Variants in CCDC170 observed in about 807,000 individuals in gnomAD.
CCDC170 encodes coiled-coil domain-containing protein 170.
CCDC170 carries 69 observed loss-of-function variants against 72.6 expected under a neutral mutation model. The observed-to-expected ratio is 0.95, with a 90% CI of 0.78 to 1.16. CCDC170 has a LOEUF of 1.16. Ranked by LOEUF, CCDC170 falls within the 50% of genes most tolerant of loss-of-function variation. CCDC170 has a pLI of 0.00. For synonymous variants in CCDC170, 300 were observed against 303.9 expected (o/e 0.99, Z 0.13); for missense variants, 852 against 832.5 (o/e 1.02, Z -0.29).
intron 9 of CCDC170, among the ~76,000 whole-genome samples, chr6:151,614,629 ATTT>A (rs34242496): frequency 4.4e-5 from 6 of 135,092 alleles, no homozygotes; most frequent in African/African-American, 2.7e-5. Context: ...TAACTTTTGT[ATTT>A]TTTTTTTTTT....
At chr6:151,559,172 C>T (rs111578748) in intron 5 of CCDC170, among the ~76,000 whole-genome samples, 3,008 of 151,872 alleles carry the variant, frequency 0.02, 99 homozygotes, top group African/African-American at 0.064. Context: ...CCACCATGCC[C>T]GGCTAATTTT....
intron 3 of CCDC170, among the ~76,000 whole-genome samples, chr6:151,543,405 G>A (rs1385870646): frequency 3.3e-5 from 5 of 151,590 alleles, no homozygotes; most frequent in Admixed American, 6.5e-5. Context: ...GATCAAATCA[G>A]GGAAATTAGT....
intron 1 of CCDC170, among the ~76,000 whole-genome samples, chr6:151,508,742 G>A (rs1355219010): frequency 4.0e-5 from 6 of 150,724 alleles, no homozygotes; most frequent in South Asian, 2.1e-4. Context: ...TAGGCCGGGC[G>A]TGGTGGCTCA....
chr6:151,572,496 A>C (rs576470348), intron 5 of CCDC170, among the ~76,000 whole-genome samples: 1 of 152,224 alleles, frequency 6.6e-6, no homozygotes, highest in South Asian at 2.1e-4. Flanking sequence ...TAGTTCTATA[A>C]ACATATTCTA....
rs1313189607 is a variant in CCDC170 at position 151,573,453 on chromosome 6, A to G, written c.1054A>G (p.Ile352Val). The change falls in exon 6 of 11, where the codon ATT becomes GTT. Residue 352 changes from isoleucine to valine, a missense_variant. Transcript: ENST00000239374. ...CACTGAGGACACCATTTTGGAGAAG[A>G]TTCGAGAAATGGACAGCCGGGAAGA... The part of the protein sequence containing the change: ...GSTEDTILEK[I>V]REMDSREESR... 3 of 1,614,128 alleles carry G rather than the reference A, an allele frequency of 1.9e-6. No individual in the cohort carries two copies. The South Asian group carries it at 3.3e-5, about 18-fold the overall frequency.
intron 9 of CCDC170, among the ~76,000 whole-genome samples, chr6:151,600,718 GT>G (rs796910741): frequency 2.3e-4 from 34 of 150,822 alleles, no homozygotes; most frequent in African/African-American, 5.8e-4. Context: ...CATTTCTATG[GT>G]TTTTTTTTAA....
chr6:151,587,149 C>G (rs868856917), intron 7 of CCDC170, among the ~76,000 whole-genome samples: 1 of 151,916 alleles, frequency 6.6e-6, no homozygotes, highest in African/African-American at 2.4e-5. Flanking sequence ...CATGGAGGGT[C>G]TCGGAAACAA....
chr6:151,600,989 T>G (rs1040652805), intron 9 of CCDC170, among the ~76,000 whole-genome samples: 8 of 152,194 alleles, frequency 5.3e-5, no homozygotes, highest in Non-Finnish European at 2.9e-5. Flanking sequence ...TGGAACCATA[T>G]AATACGTGGC....
At chr6:151,501,057 A>G (rs1781986567) in intron 1 of CCDC170, among the ~76,000 whole-genome samples, 1 of 152,196 alleles carries the variant, frequency 6.6e-6, no homozygotes, top group East Asian at 1.9e-4. Context: ...AATAAGCCAG[A>G]CAAAAGCTTA....
Position 151,509,508 on chromosome 6 carries a change from T to G in CCDC170, c.57+15323T>G, listed in dbSNP as rs191529261. 2.6e-3 allele frequency among the ~76,000 whole-genome samples: 393 copies of G among 152,292 alleles called. 1 individual carries two copies. Among genetic ancestry groups the G allele is most frequent in the African/African-American group, 8.5e-3 (352 of 41,574 alleles). On this transcript the variant is annotated intron_variant, in intron 1 of 10. Coordinates refer to ENST00000239374, the MANE Select transcript of CCDC170 (RefSeq NM_025059.4). The stretch of plus-strand genomic sequence containing the variant: ...AGTCCAGCCTAAGAAATTATCTTAC[T>G]AACTTGAACAGATATTTTTAAGCTT...
intron 2 of CCDC170, among the ~76,000 whole-genome samples, chr6:151,537,652 C>A (rs942789022): frequency 6.6e-6 from 1 of 152,076 alleles, no homozygotes; most frequent in Non-Finnish European, 1.5e-5. Flanking sequence ...AAGTGAGGAA[C>A]AGTTATGGCT....
At chr6:151,573,533 G>T (rs1181115656) in intron 6 of CCDC170, 42 bp downstream of exon 6, 6 of 1,561,564 alleles carry the variant, frequency 3.8e-6, no homozygotes, top group Non-Finnish European at 5.2e-6. Flanking sequence ...TAAGAACAGT[G>T]AGCTCATTCA....
At chr6:151,503,791 G>A (rs979912680) in intron 1 of CCDC170, among the ~76,000 whole-genome samples, 4 of 152,070 alleles carry the variant, frequency 2.6e-5, no homozygotes, top group African/African-American at 9.7e-5. Flanking sequence ...AATGTTCCTC[G>A]ATTTGGGTAT....
At chr6:151,591,829 T>C (rs78493801) in intron 7 of CCDC170, among the ~76,000 whole-genome samples, 2,642 of 152,168 alleles carry the variant, frequency 0.017, 84 homozygotes, top group African/African-American at 0.06. Context: ...TTTTCTAAAA[T>C]ATCTTAATTA....
At chr6:151,575,946 C>T (rs1310965130) in intron 6 of CCDC170, among the ~76,000 whole-genome samples, 1 of 152,110 alleles carries the variant, frequency 6.6e-6, no homozygotes, top group Non-Finnish European at 1.5e-5. Flanking sequence ...ACTCAGTTTA[C>T]ATGGAGGTAC....
chr6:151,605,515 T>C (rs1034484259), intron 9 of CCDC170, among the ~76,000 whole-genome samples: 2 of 152,216 alleles, frequency 1.3e-5, no homozygotes, highest in Non-Finnish European at 2.9e-5. Flanking sequence ...TCCTCTGATA[T>C]ATTTTTCCCT....
intron 9 of CCDC170, among the ~76,000 whole-genome samples, chr6:151,597,495 G>A (rs1776644331): frequency 6.6e-6 from 1 of 152,214 alleles, no homozygotes; most frequent in African/African-American, 2.4e-5. Flanking sequence ...ACTGCTATTA[G>A]TGATGATGCA....
chr6:151,587,248 A>T (rs1776465578), intron 7 of CCDC170, among the ~76,000 whole-genome samples: 1 of 152,058 alleles, frequency 6.6e-6, no homozygotes, highest in Non-Finnish European at 1.5e-5. Flanking sequence ...ACTGTCAGTG[A>T]TCTTTGAGAG....
intron 9 of CCDC170, among the ~76,000 whole-genome samples, chr6:151,600,869 A>G (rs1776695238): frequency 6.6e-6 from 1 of 152,080 alleles, no homozygotes. Flanking sequence ...TCCTCCCCCA[A>G]AATCCCACAC....
Sources: gnomAD v4.1 joint callset for allele counts (sites outside exome capture counted in the v4.1 genomes callset) on GRCh38, gnomAD v4.1.1 for gene constraint, MANE v1.5 for transcripts, NCBI Gene and HGNC (gene_info 2026-07-23, HGNC 2026-07-21) for gene names.